The following WRN variants were observed in gnomAD, a reference collection of about 807,000 sequenced individuals.
The protein encoded by WRN is WRN RecQ like helicase, also known as bifunctional 3'-5' exonuclease/ATP-dependent helicase WRN.
Under a neutral mutation model 180.7 loss-of-function variants are expected in WRN, and 149 were observed. That is an observed-to-expected ratio of 0.82 (90% CI 0.72 to 0.94). The LOEUF (loss-of-function observed/expected upper bound fraction) is 0.94, where lower values mean the gene tolerates loss of function less well. Among genes scored for constraint, WRN ranks in the 40% least tolerant of loss-of-function variants. The pLI, the probability that WRN is intolerant of heterozygous loss-of-function variation, is 0.00. For synonymous variants in WRN, 548 were observed against 568.9 expected (o/e 0.96, Z 0.52); for missense variants, 1,661 against 1,700.1 (o/e 0.98, Z 0.40).
At chr8:31,148,247 A>G (rs927393292) in intron 30 of WRN, among the ~76,000 whole-genome samples, 6 of 152,054 alleles carry the variant, frequency 3.9e-5, no homozygotes, top group Non-Finnish European at 8.8e-5. Flanking sequence ...TTGCCTGTCT[A>G]TGCCTTCCTC....
chr8:31,080,995 C>G lies in WRN; in HGVS notation c.968C>G (p.Ser323Ter). ...NNLNLLSFED[S>*]TTGGVQQKQI... is the part of the protein sequence containing the mutation. ...TTAAACTTATTATCCTTTGAAGATTCAACTACTGGGGGAGTACAACAGAAA... is the reference window on the plus strand; with the variant it reads ...TTAAACTTATTATCCTTTGAAGATTGAACTACTGGGGGAGTACAACAGAAA... The change falls in exon 9 of 35, where the codon TCA becomes TGA. Residue 323 changes from serine to a stop codon, truncating the protein, a stop_gained. Transcript: ENST00000298139. LOFTEE classifies it high-confidence loss of function. 1 of 1,613,898 alleles carries G rather than the reference C, an allele frequency of 6.2e-7. No homozygotes were observed. Among genetic ancestry groups the G allele is most frequent in the Non-Finnish European group, 8.5e-7 (1 of 1,179,940 alleles).
At chr8:31,164,680 C>A (rs1342068401) in intron 33 of WRN, among the ~76,000 whole-genome samples, 1 of 151,944 alleles carries the variant, frequency 6.6e-6, no homozygotes, top group Non-Finnish European at 1.5e-5. Flanking sequence ...GAATGAAGTA[C>A]CTAGACAGTA....
chr8:31,106,404 C>G (rs1801098187), intron 18 of WRN, among the ~76,000 whole-genome samples: 1 of 152,058 alleles, frequency 6.6e-6, no homozygotes, highest in African/African-American at 2.4e-5. Flanking sequence ...GGCAAAAGTC[C>G]TTATGATGAG....
intron 28 of WRN, among the ~76,000 whole-genome samples, chr8:31,144,337 G>GTT (rs1259848419): frequency 6.5e-5 from 1 of 15,328 alleles, no homozygotes; most frequent in African/African-American, 1.3e-4. Flanking sequence ...GTCTCTAAGT[G>GTT]TGTTTTTTTT....
At chr8:31,127,323 G>A (rs1290768806) in intron 23 of WRN, among the ~76,000 whole-genome samples, 13 of 152,134 alleles carry the variant, frequency 8.5e-5, no homozygotes, top group Admixed American at 7.2e-4. Flanking sequence ...TAGATTTATC[G>A]TGCCCTGATT....
chr8:31,171,255 T>A (rs1167736657), intron 34 of WRN: 1 of 151,046 alleles, frequency 6.6e-6, no homozygotes, highest in Non-Finnish European at 1.5e-5. Context: ...TTTGGCAGAG[T>A]GGGAGAAAAT....
intron 10 of WRN, 73 bp from the exon 11 acceptor site, chr8:31,085,093 A>T: frequency 7.1e-7 from 1 of 1,412,332 alleles, no homozygotes; most frequent in Non-Finnish European, 9.9e-7. Context: ...AGTATATAGG[A>T]GCTTTGTTCT....
At position 31,157,516 on chromosome 8, in the gene WRN, C is replaced by T; in HGVS notation, c.3968C>T (p.Pro1323Leu). The change falls in exon 33 of 35, where the codon CCT becomes CTT. Residue 1323 changes from proline (P) to leucine (L), a missense_variant. This residue lies in a region of WRN where 1,141 missense variants were observed against 1,149.4 expected (regional missense o/e 0.99). Transcript: ENST00000298139. The part of the protein sequence containing the change: ...QKIIADVIRN[P>L]PVNSDMSKIS... ...ATTATTGCTGATGTTATCCGAAACC[C>T]TCCCGTCAACTCAGGTGAGAGGCAT... 1 of 1,614,126 alleles carries T rather than the reference C, an allele frequency of 6.2e-7. No individual in the cohort carries two copies. Among genetic ancestry groups the T allele is most frequent in the Non-Finnish European group, 8.5e-7 (1 of 1,180,024 alleles).
At chr8:31,168,638 G>A (rs929223659) in intron 34 of WRN, among the ~76,000 whole-genome samples, 5 of 131,220 alleles carry the variant, frequency 3.8e-5, no homozygotes, top group Non-Finnish European at 8.6e-5. Flanking sequence ...GTAGATAAGA[G>A]GTGAGTAAGT....
intron 8 of WRN, among the ~76,000 whole-genome samples, chr8:31,079,793 C>G (rs1813227299): frequency 6.6e-6 from 1 of 152,056 alleles, no homozygotes; most frequent in South Asian, 2.1e-4. Context: ...AATTAGATCA[C>G]AAACAATCTT....
chr8:31,165,413 T>C (rs1754948403), intron 33 of WRN, among the ~76,000 whole-genome samples: 1 of 152,246 alleles, frequency 6.6e-6, no homozygotes, highest in South Asian at 2.1e-4. Context: ...AGAAATACAA[T>C]GTGAGCTACA....
At chr8:31,100,283 A>C (rs544173022) in intron 17 of WRN, among the ~76,000 whole-genome samples, 10 of 152,158 alleles carry the variant, frequency 6.6e-5, no homozygotes, top group African/African-American at 2.4e-4. Flanking sequence ...AACAAATAAC[A>C]TTTCTTCTTA....
At chr8:31,074,548 A>T (rs1813029927) in intron 7 of WRN, among the ~76,000 whole-genome samples, 1 of 152,202 alleles carries the variant, frequency 6.6e-6, no homozygotes, top group African/African-American at 2.4e-5. Flanking sequence ...GAGAGTGGGA[A>T]ATGTAGAAGA....
intron 16 of WRN, among the ~76,000 whole-genome samples, chr8:31,092,543 G>A (rs1813791761): frequency 6.6e-6 from 1 of 150,950 alleles, no homozygotes; most frequent in Non-Finnish European, 1.5e-5. Context: ...ATATATGCAT[G>A]TTCTAATTCA....
rs369870659 is a variant in WRN, at chr8:31,173,128, T to C, written c.*26T>C. On this transcript the variant is annotated 3_prime_UTR_variant, in exon 35 of 35. Coordinates refer to ENST00000298139, the MANE Select transcript of WRN (RefSeq NM_000553.6). Reference sequence around the variant, plus strand: ...GCTGGCAATTACCAGAACAATTATGTTTCTTGCTGTATTATAAGAGGATAG... The same window carrying C: ...GCTGGCAATTACCAGAACAATTATGCTTCTTGCTGTATTATAAGAGGATAG... 32 of 1,587,872 alleles carry C rather than the reference T, an allele frequency of 2.0e-5. No homozygotes were observed. The East Asian group carries it at 5.8e-4, about 29-fold the overall frequency.
At position 31,173,107 on chromosome 8, in the gene WRN, G is replaced by T. The variant is rs1393481626; in HGVS notation, c.*5G>T. 3 of 1,608,710 alleles carry T rather than the reference G, an allele frequency of 1.9e-6. No individual in the cohort carries two copies. Among genetic ancestry groups the T allele is most frequent in the Non-Finnish European group, 2.6e-6 (3 of 1,175,404 alleles). ...AGGGGAGGTCTTTTTAGTTAAGCTG[G>T]CAATTACCAGAACAATTATGTTTCT... On this transcript the variant is annotated 3_prime_UTR_variant, in exon 35 of 35. Transcript: ENST00000298139.
chr8:31,062,450 G>A (rs988278806), intron 3 of WRN, among the ~76,000 whole-genome samples: 11 of 141,756 alleles, frequency 7.8e-5, no homozygotes, highest in East Asian at 2.0e-4. Flanking sequence ...TCTGTTGCTC[G>A]TGCTGGAGTG....
At chr8:31,100,072 GA>G (rs931445798) in intron 17 of WRN, among the ~76,000 whole-genome samples, 4 of 152,102 alleles carry the variant, frequency 2.6e-5, no homozygotes, top group African/African-American at 9.7e-5. Context: ...CTCATTGAGG[GA>G]AAAAATTATT....
intron 28 of WRN, among the ~76,000 whole-genome samples, chr8:31,145,519 CTT>C (rs1802823950): frequency 1.3e-5 from 2 of 152,278 alleles, no homozygotes; most frequent in South Asian, 4.1e-4. Flanking sequence ...ATTGACAACA[CTT>C]AGTCACCAAG....
Sources: allele counts gnomAD v4.1 joint callset (sites outside exome capture counted in the v4.1 genomes callset), GRCh38; gene constraint gnomAD v4.1.1; regional missense constraint gnomAD v4.1.1; transcripts MANE v1.5; gene names NCBI Gene and HGNC (gene_info 2026-07-23, HGNC 2026-07-21).